RBFOX1: variants seen among roughly 807,000 people sequenced by gnomAD.
RBFOX1 encodes the protein RNA binding protein fox-1 homolog 1.
In RBFOX1, 8 loss-of-function variants were observed where a neutral mutation model predicts 57.7. The ratio of observed to expected loss-of-function variants is 0.14; its 90% confidence interval spans 0.08 to 0.25. RBFOX1 has a LOEUF of 0.25. RBFOX1 is among the 10% of genes least tolerant of loss of function. RBFOX1 has a pLI of 1.00. For synonymous variants in RBFOX1, 326 were observed against 222.4 expected (o/e 1.47, Z -4.15); for missense variants, 611 against 548.5 (o/e 1.11, Z -1.14).
intron 2 of RBFOX1, among the ~76,000 whole-genome samples, chr16:5,490,395 C>G (rs2042787273): frequency 6.6e-6 from 1 of 152,232 alleles, no homozygotes; most frequent in Admixed American, 6.5e-5. Context: ...GGAACCAGGA[C>G]TTGAACCCAG....
chr16:7,087,934 T>A (rs1175959643), intron 4 of RBFOX1, among the ~76,000 whole-genome samples: 2 of 152,174 alleles, frequency 1.3e-5, no homozygotes, highest in Admixed American at 1.3e-4. Context: ...CTCTGATTAA[T>A]AAATTGACTT....
intron 4 of RBFOX1, among the ~76,000 whole-genome samples, chr16:7,510,479 A>G (rs1329514287): frequency 2.9e-5 from 3 of 102,430 alleles, no homozygotes; most frequent in Non-Finnish European, 4.4e-5. Context: ...GTGTGTGTGT[A>G]TGTGTGTCTG....
intron 1 of RBFOX1, among the ~76,000 whole-genome samples, chr16:6,256,432 G>A (rs1177477488): frequency 6.6e-6 from 1 of 150,866 alleles, no homozygotes; most frequent in Non-Finnish European, 1.5e-5. Flanking sequence ...CTGACCCTTC[G>A]AGAGCAGAGT....
chr16:7,320,948 C>G (rs1347198682), intron 4 of RBFOX1, among the ~76,000 whole-genome samples: 3 of 152,130 alleles, frequency 2.0e-5, no homozygotes, highest in Non-Finnish European at 4.4e-5. Flanking sequence ...AATTTGGACC[C>G]AAACTTCTTA....
intron 1 of RBFOX1, among the ~76,000 whole-genome samples, chr16:6,158,142 C>A (rs17803982): frequency 0.56 from 85,285 of 151,928 alleles, 25,242 homozygotes; most frequent in Admixed American, 0.67. Context: ...TCTGGGCAAC[C>A]AATAATGATG....
intron 3 of RBFOX1, among the ~76,000 whole-genome samples, chr16:6,769,536 A>C (rs750499254): frequency 3.9e-5 from 6 of 152,230 alleles, no homozygotes; most frequent in Admixed American, 1.3e-4. Flanking sequence ...TTTAATAAAC[A>C]TCAGGCTGTT....
At chr16:6,789,750 G>T (rs576028686) in intron 3 of RBFOX1, among the ~76,000 whole-genome samples, 1 of 152,214 alleles carries the variant, frequency 6.6e-6, no homozygotes, top group South Asian at 2.1e-4. Flanking sequence ...AGTCTGCATA[G>T]TAGTCTCTTA....
chr16:6,940,842 C>T (rs1414897403), intron 3 of RBFOX1, among the ~76,000 whole-genome samples: 1 of 95,458 alleles, frequency 1.0e-5, no homozygotes, highest in Non-Finnish European at 1.9e-5. Flanking sequence ...GCCACCATGT[C>T]CGGCTAGTCT....
chr16:5,453,900 T>C lies in RBFOX1; in HGVS notation c.220-13316T>C, dbSNP rs145626718. Among the ~76,000 whole-genome samples the C allele has an allele frequency of 4.6e-5, 7 of 152,222 alleles. No individual in the cohort carries two copies. The East Asian group carries it at 1.2e-3, about 25-fold the overall frequency. ...TTTCTTTGCCTGCTGGGAGATTTTG[T>C]TGGGGTGGTTGGTGAAGGGAGTACT... On this transcript the variant is annotated intron_variant, in intron 1 of 2. Transcript: ENST00000585867.
chr16:6,579,892 C>G (rs1173568919), intron 2 of RBFOX1, among the ~76,000 whole-genome samples: 1 of 152,032 alleles, frequency 6.6e-6, no homozygotes, highest in Non-Finnish European at 1.5e-5. Flanking sequence ...AGCCTTCAGT[C>G]CTTTTTAAAG....
intron 3 of RBFOX1, among the ~76,000 whole-genome samples, chr16:6,792,343 T>A (rs1466730690): frequency 6.6e-6 from 1 of 152,194 alleles, no homozygotes; most frequent in African/African-American, 2.4e-5. Context: ...TCAAGTCCTT[T>A]CAGCATTTTA....
intron 1 of RBFOX1, among the ~76,000 whole-genome samples, chr16:5,408,099 T>C (rs2151456455): frequency 6.6e-6 from 1 of 152,330 alleles, no homozygotes; most frequent in South Asian, 2.1e-4. Context: ...TTATCTTTGA[T>C]GTGACACACG....
intron 2 of RBFOX1, among the ~76,000 whole-genome samples, chr16:6,365,637 TCAC>T (rs1358047187): frequency 6.6e-6 from 1 of 152,214 alleles, no homozygotes; most frequent in Non-Finnish European, 1.5e-5. Flanking sequence ...TGAGACCACT[TCAC>T]CAATTCTTCT....
At chr16:5,279,733 C>T (rs2063226432) in intron 1 of RBFOX1, among the ~76,000 whole-genome samples, 1 of 152,168 alleles carries the variant, frequency 6.6e-6, no homozygotes, top group African/African-American at 2.4e-5. Flanking sequence ...AACTCCCAAC[C>T]TCAGGTGATC....
At chr16:7,271,165 T>G (rs186557598) in intron 4 of RBFOX1, among the ~76,000 whole-genome samples, 10 of 152,320 alleles carry the variant, frequency 6.6e-5, no homozygotes, top group Admixed American at 6.5e-4. Context: ...TCCATATTCT[T>G]AGTGTCCTTT....
In RBFOX1 at chr16:6,466,380, T is replaced by C. The variant is rs547222919; in HGVS notation, c.-64+149323T>C. ...TTATGGTGCGAGGTACTTTCCCATA[T>C]GTTATTTAGTTTTAGAATCCTCTCA... On this transcript the variant is annotated intron_variant, in intron 2 of 15. Coordinates refer to ENST00000550418, the MANE Select transcript of RBFOX1 (RefSeq NM_018723.4). Among the ~76,000 whole-genome samples the C allele has an allele frequency of 6.6e-5, 10 of 152,338 alleles. 1 individual carries two copies. The highest frequency in any genetic ancestry group is 1.7e-4 in the African/African-American group (7 of 41,594).
chr16:7,423,379 G>C (rs905831727), intron 4 of RBFOX1, among the ~76,000 whole-genome samples: 1 of 152,020 alleles, frequency 6.6e-6, no homozygotes, highest in South Asian at 2.1e-4. Context: ...GTGCAGGCAG[G>C]GGAGATAATG....
intron 3 of RBFOX1, among the ~76,000 whole-genome samples, chr16:6,917,946 A>C (rs1174877240): frequency 6.6e-6 from 1 of 152,154 alleles, no homozygotes; most frequent in Non-Finnish European, 1.5e-5. Flanking sequence ...TACTCAACCT[A>C]AGTCTCAGGG....
intron 3 of RBFOX1, among the ~76,000 whole-genome samples, chr16:6,843,415 A>G (rs1432861791): frequency 6.6e-6 from 1 of 152,166 alleles, no homozygotes; most frequent in Non-Finnish European, 1.5e-5. Flanking sequence ...TTGGCCAGAC[A>G]TGGTGGCTTA....
Sources: allele counts gnomAD v4.1 joint callset (sites outside exome capture counted in the v4.1 genomes callset), GRCh38; gene constraint gnomAD v4.1.1; transcripts MANE v1.5; gene names NCBI Gene and HGNC (gene_info 2026-07-23, HGNC 2026-07-21).